Variants in FBXL7 observed in about 807,000 individuals in gnomAD.
FBXL7 encodes the protein F-box/LRR-repeat protein 7.
In FBXL7, 12 loss-of-function variants were observed where a neutral mutation model predicts 38.3. That is an observed-to-expected ratio of 0.31 (90% CI 0.20 to 0.51). The LOEUF is 0.51. FBXL7 is among the 20% of genes least tolerant of loss of function. The pLI is 0.98. For synonymous variants in FBXL7, 297 were observed against 300.9 expected, an observed-to-expected ratio of 0.99 and a Z score of 0.13; for missense variants, 567 against 676.4, an observed-to-expected ratio of 0.84 and a Z score of 1.79.
At chr5:15,531,503 G>C (rs1737430989) in intron 1 of FBXL7, among the ~76,000 whole-genome samples, 1 of 152,210 alleles carries the variant, frequency 6.6e-6, no homozygotes, top group African/African-American at 2.4e-5. Flanking sequence ...ACAGCAAGCT[G>C]AGTGTTTCAG....
chr5:15,618,362 TA>T (rs1740518566), intron 2 of FBXL7, among the ~76,000 whole-genome samples: 1 of 152,166 alleles, frequency 6.6e-6, no homozygotes, highest in Admixed American at 6.6e-5. Context: ...CTGAAAAAAT[TA>T]AAAAAGAAAG....
At chr5:15,862,430 AACAGACTAAT>A (rs1377433715) in intron 2 of FBXL7, among the ~76,000 whole-genome samples, 1 of 152,222 alleles carries the variant, frequency 6.6e-6, no homozygotes, top group East Asian at 1.9e-4. Flanking sequence ...ACAGCATAAA[AACAGACTAAT>A]ACAGACCTTT....
intron 2 of FBXL7, among the ~76,000 whole-genome samples, chr5:15,897,687 A>G (rs1207011746): frequency 6.6e-6 from 1 of 152,220 alleles, no homozygotes; most frequent in Non-Finnish European, 1.5e-5. Context: ...GGAATAGTCT[A>G]GTTTTTCTAG....
chr5:15,520,013 A>C (rs1302895970), intron 1 of FBXL7, among the ~76,000 whole-genome samples: 1 of 152,250 alleles, frequency 6.6e-6, no homozygotes, highest in Non-Finnish European at 1.5e-5. Context: ...TCTTGATGAT[A>C]TGCTAAACAA....
At chr5:15,839,071 C>T (rs1051889822) in intron 2 of FBXL7, among the ~76,000 whole-genome samples, 2 of 150,578 alleles carry the variant, frequency 1.3e-5, no homozygotes, top group Non-Finnish European at 3.0e-5. Flanking sequence ...ACACTTTACC[C>T]ATTTTTCTGT....
chr5:15,612,103 C>T (rs1036659381), intron 1 of FBXL7, among the ~76,000 whole-genome samples: 1 of 151,922 alleles, frequency 6.6e-6, no homozygotes, highest in Admixed American at 6.6e-5. Flanking sequence ...TGATATTGCT[C>T]CTAAGGGGAC....
At chr5:15,821,174 A>T (rs1738160185) in intron 2 of FBXL7, among the ~76,000 whole-genome samples, 1 of 152,344 alleles carries the variant, frequency 6.6e-6, no homozygotes, top group East Asian at 1.9e-4. Context: ...AATCACTGGG[A>T]ATTTCACAAA....
At chr5:15,794,824 T>C (rs767045289) in intron 2 of FBXL7, among the ~76,000 whole-genome samples, 39 of 152,150 alleles carry the variant, frequency 2.6e-4, no homozygotes, top group Non-Finnish European at 4.9e-4. Context: ...CTAATAATAA[T>C]GTAAGAGGGG....
chr5:15,721,952 A>G (rs1342482747), intron 2 of FBXL7, among the ~76,000 whole-genome samples: 3 of 152,136 alleles, frequency 2.0e-5, no homozygotes, highest in African/African-American at 4.8e-5. Flanking sequence ...CTCCTGCCTC[A>G]GCCTCCTGAG....
intron 1 of FBXL7, among the ~76,000 whole-genome samples, chr5:15,577,148 C>A: frequency 6.6e-6 from 1 of 152,164 alleles, no homozygotes; most frequent in East Asian, 1.9e-4. Flanking sequence ...AACTGCCTAC[C>A]ATGAAATGAC....
At chr5:15,892,905 C>T (rs1327867069) in intron 2 of FBXL7, among the ~76,000 whole-genome samples, 1 of 152,086 alleles carries the variant, frequency 6.6e-6, no homozygotes, top group Non-Finnish European at 1.5e-5. Flanking sequence ...ATCACGAGGT[C>T]AGGAGATCGA....
At chr5:15,770,706 T>A (rs1736707354) in intron 2 of FBXL7, among the ~76,000 whole-genome samples, 1 of 152,232 alleles carries the variant, frequency 6.6e-6, no homozygotes, top group Admixed American at 6.5e-5. Context: ...TTCTTGTAGG[T>A]ATAATTATCA....
intron 2 of FBXL7, among the ~76,000 whole-genome samples, chr5:15,760,808 A>G (rs1736421402): frequency 6.6e-6 from 1 of 152,102 alleles, no homozygotes; most frequent in Admixed American, 6.6e-5. Context: ...GACAAACTTA[A>G]CTCTTAAGTC....
intron 2 of FBXL7, among the ~76,000 whole-genome samples, chr5:15,626,544 C>G (rs34633181): frequency 0.06 from 8,927 of 148,330 alleles, 736 homozygotes; most frequent in East Asian, 0.37. Context: ...AATTCGTTTC[C>G]TGTGTGTGTG....
At chr5:15,929,156 A>T (rs1313257304) in intron 3 of FBXL7, among the ~76,000 whole-genome samples, 1 of 152,166 alleles carries the variant, frequency 6.6e-6, no homozygotes. Flanking sequence ...GGGTGATAAA[A>T]CACTCAGCTG....
At chr5:15,569,715 T>C (rs1360294251) in intron 1 of FBXL7, among the ~76,000 whole-genome samples, 8 of 152,178 alleles carry the variant, frequency 5.3e-5, no homozygotes, top group Admixed American at 5.2e-4. Flanking sequence ...CAGTATGATA[T>C]TGGTTGTGGG....
At chr5:15,563,928 C>T (rs1311383944) in intron 1 of FBXL7, among the ~76,000 whole-genome samples, 1 of 152,042 alleles carries the variant, frequency 6.6e-6, no homozygotes. Flanking sequence ...GTGCTTATAT[C>T]CAGTCACTTT....
chr5:15,937,437 A>G lies in FBXL7; in HGVS notation c.*251A>G. 1 of 490,552 alleles carries G rather than the reference A, an allele frequency of 2.0e-6. No individual in the cohort carries two copies. The highest frequency in any genetic ancestry group is 3.6e-6 in the Non-Finnish European group (1 of 277,240). 30.4% of individuals were successfully genotyped at this position (490,552 alleles called of 1,614,324 possible). The stretch of plus-strand genomic sequence containing the variant: ...CAGTTTCTCTTCTCACAAAAGATGT[A>G]CTTAAGCAGGCTGATCGCTGTTCCT... On this transcript the variant is annotated 3_prime_UTR_variant, in exon 4 of 4. Coordinates refer to ENST00000504595, the MANE Select transcript of FBXL7 (RefSeq NM_012304.5).
At chr5:15,889,885 TACAAACAATAC>T (rs1211944491) in intron 2 of FBXL7, among the ~76,000 whole-genome samples, 1 of 152,036 alleles carries the variant, frequency 6.6e-6, no homozygotes, top group Non-Finnish European at 1.5e-5. Flanking sequence ...ACTTGTAAGA[TACAAACAATAC>T]ACAAACAAAA....
Sources: allele counts gnomAD v4.1 joint callset (sites outside exome capture counted in the v4.1 genomes callset), GRCh38; gene constraint gnomAD v4.1.1; transcripts MANE v1.5; gene names NCBI Gene and HGNC (gene_info 2026-07-23, HGNC 2026-07-21).